ADAMTSL1: variants seen among roughly 807,000 people sequenced by gnomAD.
ADAMTSL1 encodes ADAMTS-like protein 1.
Under a neutral mutation model 201.8 loss-of-function variants are expected in ADAMTSL1, and 126 were observed. That is an observed-to-expected ratio of 0.62 (90% CI 0.54 to 0.72). ADAMTSL1 has a LOEUF of 0.72. ADAMTSL1 is among the 30% of genes least tolerant of loss of function. The pLI is 0.00. For missense variants in ADAMTSL1, 2,679 were observed against 2,277.8 expected, an observed-to-expected ratio of 1.18 and a Z score of -3.59; for synonymous variants, 1,121 against 903.4, an observed-to-expected ratio of 1.24 and a Z score of -4.32.
intron 20 of ADAMTSL1, among the ~76,000 whole-genome samples, chr9:18,807,941 G>T (rs1016077745): frequency 6.6e-6 from 1 of 152,084 alleles, no homozygotes; most frequent in South Asian, 2.1e-4. Flanking sequence ...ACAAACATAG[G>T]TACTGGCAAT....
chr9:18,579,838 C>G (rs1483839838), intron 4 of ADAMTSL1, among the ~76,000 whole-genome samples: 2 of 152,152 alleles, frequency 1.3e-5, no homozygotes, highest in East Asian at 1.9e-4. Flanking sequence ...CATTTATTTT[C>G]ATTATCCAAA....
At chr9:18,663,657 C>T (rs1829249224) in intron 9 of ADAMTSL1, among the ~76,000 whole-genome samples, 7 of 152,002 alleles carry the variant, frequency 4.6e-5, no homozygotes, top group Non-Finnish European at 7.4e-5. Context: ...AAAATTTGTA[C>T]GTGTATTTCT....
At chr9:18,264,088 CCTGTCTG>C (rs1237508959) in intron 2 of ADAMTSL1, among the ~76,000 whole-genome samples, 3 of 152,106 alleles carry the variant, frequency 2.0e-5, no homozygotes, top group African/African-American at 4.8e-5. Context: ...CTGTTGTCCT[CCTGTCTG>C]CTGTGTCTCC....
intron 1 of ADAMTSL1, among the ~76,000 whole-genome samples, chr9:17,981,617 G>A (rs959172692): frequency 1.3e-5 from 2 of 152,132 alleles, no homozygotes; most frequent in African/African-American, 4.8e-5. Context: ...GTTTTCTTCT[G>A]CCAGGCACCT....
chr9:18,398,966 G>A (rs1208787029), intron 2 of ADAMTSL1, among the ~76,000 whole-genome samples: 1 of 152,008 alleles, frequency 6.6e-6, no homozygotes, highest in Non-Finnish European at 1.5e-5. Flanking sequence ...CATCCCAGGG[G>A]CTGGAATCTT....
intron 1 of ADAMTSL1, among the ~76,000 whole-genome samples, chr9:17,998,371 G>T (rs1029153561): frequency 6.6e-6 from 1 of 151,942 alleles, no homozygotes; most frequent in Admixed American, 6.6e-5. Context: ...GGGCTGGGAG[G>T]CAGAGCTAGG....
At chr9:18,355,921 C>A (rs1242077518) in intron 2 of ADAMTSL1, among the ~76,000 whole-genome samples, 2 of 152,184 alleles carry the variant, frequency 1.3e-5, no homozygotes, top group Non-Finnish European at 2.9e-5. Flanking sequence ...AAGCTGGGGA[C>A]CTGCAGCCAG....
chr9:18,359,815 A>AC (rs1563911410), intron 2 of ADAMTSL1, among the ~76,000 whole-genome samples: 13 of 46,844 alleles, frequency 2.8e-4, no homozygotes, highest in African/African-American at 5.1e-4. Context: ...TTAATGCCCC[A>AC]CCTCCCCACC....
chr9:18,257,655 A>G (rs912053949), intron 2 of ADAMTSL1, among the ~76,000 whole-genome samples: 2 of 152,240 alleles, frequency 1.3e-5, no homozygotes, highest in South Asian at 2.1e-4. Context: ...GAATTACTTT[A>G]TCATCCAGCT....
intron 1 of ADAMTSL1, among the ~76,000 whole-genome samples, chr9:18,128,578 T>C (rs1236055737): frequency 6.6e-6 from 1 of 152,170 alleles, no homozygotes; most frequent in Non-Finnish European, 1.5e-5. Context: ...CCCAAAGCGC[T>C]GGGATTATAG....
chr9:18,579,015 C>T (rs1479533275), intron 4 of ADAMTSL1, among the ~76,000 whole-genome samples: 1 of 151,794 alleles, frequency 6.6e-6, no homozygotes, highest in Non-Finnish European at 1.5e-5. Context: ...TTTTTGGCTG[C>T]ATAAATGTCT....
At chr9:18,022,569 T>G (rs1820524146) in intron 1 of ADAMTSL1, among the ~76,000 whole-genome samples, 1 of 151,994 alleles carries the variant, frequency 6.6e-6, no homozygotes, top group African/African-American at 2.4e-5. Flanking sequence ...AAGAAAAGTG[T>G]GTGATTAAAG....
chr9:18,892,692 T>A, intron 26 of ADAMTSL1, 96 bp downstream of exon 26: 1 of 1,364,062 alleles, frequency 7.3e-7, no homozygotes, highest in South Asian at 1.4e-5. Flanking sequence ...CACTGCCACC[T>A]CCTCCTTTCA....
Position 18,109,146 on chromosome 9 carries a change from C to G in ADAMTSL1, c.88-54716C>G, listed in dbSNP as rs115602784. On this transcript the variant is annotated intron_variant, in intron 1 of 29. Transcript: ENST00000680146. The stretch of plus-strand genomic sequence containing the variant: ...ATACAATTTTATTGACAAATTCCCT[C>G]GCCTAATTTGAAGTTTGTTGGAGGA... 2.4e-3 allele frequency among the ~76,000 whole-genome samples: 367 copies of G among 152,266 alleles called. 4 individuals are homozygous for G. Among genetic ancestry groups the G allele is most frequent in the African/African-American group, 8.4e-3 (348 of 41,552 alleles).
At chr9:18,369,219 A>C (rs1317440488) in intron 2 of ADAMTSL1, among the ~76,000 whole-genome samples, 3 of 152,224 alleles carry the variant, frequency 2.0e-5, no homozygotes, top group Admixed American at 2.0e-4. Context: ...TCTTTAGTTG[A>C]ACTCACAACT....
intron 3 of ADAMTSL1, among the ~76,000 whole-genome samples, chr9:18,565,472 C>T (rs1349731722): frequency 6.6e-6 from 1 of 151,574 alleles, no homozygotes; most frequent in Non-Finnish European, 1.5e-5. Flanking sequence ...AATCTGTAAA[C>T]CTTTTGCACC....
At chr9:18,297,993 T>C (rs6475210) in intron 2 of ADAMTSL1, among the ~76,000 whole-genome samples, 2,804 of 152,318 alleles carry the variant, frequency 0.018, 85 homozygotes, top group African/African-American at 0.064. Context: ...TAACATGAGA[T>C]GATAAAGTAG....
chr9:18,785,591 C>A (rs745574009), intron 19 of ADAMTSL1, among the ~76,000 whole-genome samples: 1 of 152,104 alleles, frequency 6.6e-6, no homozygotes, highest in Non-Finnish European at 1.5e-5. Context: ...CTAAACTGTT[C>A]CTCGCTTTCA....
chr9:18,600,876 G>C (rs1393028520), intron 4 of ADAMTSL1, among the ~76,000 whole-genome samples: 1 of 152,120 alleles, frequency 6.6e-6, no homozygotes, highest in African/African-American at 2.4e-5. Context: ...TCTTATTCTT[G>C]GAACTATACA....
Sources: allele counts gnomAD v4.1 joint callset (sites outside exome capture counted in the v4.1 genomes callset), GRCh38; gene constraint gnomAD v4.1.1; transcripts MANE v1.5; gene names NCBI Gene and HGNC (gene_info 2026-07-23, HGNC 2026-07-21).